Variants in ODAD2 observed in about 807,000 individuals in gnomAD.
The protein encoded by ODAD2 is outer dynein arm docking complex subunit 2.
In ODAD2, 89 loss-of-function variants were observed where a neutral mutation model predicts 106.8. The observed-to-expected ratio is 0.83, with a 90% CI of 0.70 to 0.99. The LOEUF is 0.99. Among genes scored for constraint, ODAD2 ranks in the 50% least tolerant of loss-of-function variants. The probability of loss-of-function intolerance (pLI) is 0.00; values close to 1 mark genes in which losing one functional copy is unlikely to be tolerated. For synonymous variants in ODAD2, 404 were observed against 436.2 expected (o/e 0.93, Z 0.92); for missense variants, 1,168 against 1,238.5 (o/e 0.94, Z 0.85).
intron 17 of ODAD2, among the ~76,000 whole-genome samples, chr10:27,875,178 G>C (rs1031915595): frequency 2.0e-5 from 3 of 152,166 alleles, no homozygotes; most frequent in Admixed American, 2.0e-4. Flanking sequence ...TCGTCACGTA[G>C]TTCTTGTGCC....
intron 9 of ODAD2, among the ~76,000 whole-genome samples, 153 bp from the exon 10 acceptor site, chr10:27,961,868 C>T (rs1468264308): frequency 6.6e-6 from 1 of 152,092 alleles, no homozygotes; most frequent in African/African-American, 2.4e-5. Context: ...AGTTCAACAC[C>T]AGCCTGGACA....
chr10:27,837,216 G>GGGCACTCAGT (rs1682190061), intron 19 of ODAD2, among the ~76,000 whole-genome samples: 1 of 152,198 alleles, frequency 6.6e-6, no homozygotes, highest in African/African-American at 2.4e-5. Flanking sequence ...GTGACCACAT[G>GGGCACTCAGT]GTCCCGTACT....
At position 27,942,747 on chromosome 10, in the gene ODAD2, G is replaced by A. The variant is rs73606012; in HGVS notation, c.1743+1475C>T. Reference sequence around the variant, plus strand: ...AAGCTTTAAGAATTGTACAATGATTGCACACAAACCTCCCTACATCCACCA... The same window carrying A: ...AAGCTTTAAGAATTGTACAATGATTACACACAAACCTCCCTACATCCACCA... On this transcript the variant is annotated intron_variant, in intron 12 of 19. Transcript: ENST00000305242. Among the ~76,000 whole-genome samples the A allele has an allele frequency of 3.0e-3, 459 of 152,164 alleles. 5 individuals carry two copies. The highest frequency in any genetic ancestry group is 0.011 in the African/African-American group (446 of 41,520).
chr10:27,916,049 T>G (rs1274469399), intron 16 of ODAD2, among the ~76,000 whole-genome samples: 1 of 152,070 alleles, frequency 6.6e-6, no homozygotes, highest in African/African-American at 2.4e-5. Context: ...ATAGAGTGAT[T>G]GAAGCAATCT....
intron 14 of ODAD2, among the ~76,000 whole-genome samples, chr10:27,937,756 CCTGCCATGTTTATCTT>C (rs1846094657): frequency 6.6e-6 from 1 of 152,132 alleles, no homozygotes; most frequent in Admixed American, 6.5e-5. Context: ...CATACAGGCA[CCTGCCATGTTTATCTT>C]CTGCACGTGA....
At chr10:27,966,813 T>C (rs1848515580) in intron 9 of ODAD2, among the ~76,000 whole-genome samples, 1 of 152,002 alleles carries the variant, frequency 6.6e-6, no homozygotes, top group Admixed American at 6.6e-5. Flanking sequence ...TCAGGAAAGA[T>C]GAAGTAGATA....
At chr10:27,821,444 A>G (rs1239102096) in intron 19 of ODAD2, among the ~76,000 whole-genome samples, 6 of 152,224 alleles carry the variant, frequency 3.9e-5, no homozygotes, top group Non-Finnish European at 7.3e-5. Flanking sequence ...TTGGTTTTGA[A>G]TTGGGCTCAG....
At chr10:27,819,744 AC>A (rs1836451761) in intron 19 of ODAD2, among the ~76,000 whole-genome samples, 1 of 151,774 alleles carries the variant, frequency 6.6e-6, no homozygotes, top group Admixed American at 6.6e-5. Context: ...TGACCTCAAA[AC>A]CCATACCCTT....
At chr10:27,935,403 T>G in intron 15 of ODAD2, 151 bp from the exon 16 acceptor site, 1 of 1,073,422 alleles carries the variant, frequency 9.3e-7, no homozygotes, top group Non-Finnish European at 1.3e-6. Flanking sequence ...TGGTAAATAG[T>G]AGAGCTGACG....
intron 9 of ODAD2, among the ~76,000 whole-genome samples, chr10:27,965,529 G>T (rs933820495): frequency 2.0e-5 from 3 of 152,186 alleles, no homozygotes; most frequent in African/African-American, 7.2e-5. Context: ...AGATACGGAG[G>T]AGAGTCCAGG....
chr10:27,828,080 T>C (rs1050305322), intron 19 of ODAD2, among the ~76,000 whole-genome samples: 1 of 152,156 alleles, frequency 6.6e-6, no homozygotes, highest in Non-Finnish European at 1.5e-5. Flanking sequence ...AATATTATAG[T>C]ATGCCTCGGG....
chr10:27,838,820 A>G (rs1438471408), intron 19 of ODAD2, among the ~76,000 whole-genome samples: 4 of 152,188 alleles, frequency 2.6e-5, no homozygotes, highest in Non-Finnish European at 5.9e-5. Context: ...AATTATTTCT[A>G]CAGAGTTGGC....
intron 17 of ODAD2, among the ~76,000 whole-genome samples, chr10:27,885,021 T>C (rs1357510250): frequency 2.6e-5 from 4 of 151,812 alleles, no homozygotes; most frequent in Non-Finnish European, 5.9e-5. Context: ...TCTGAAGACA[T>C]ACGAAGAAAC....
intron 17 of ODAD2, among the ~76,000 whole-genome samples, chr10:27,897,259 T>C (rs1002455482): frequency 2.0e-5 from 3 of 151,948 alleles, no homozygotes; most frequent in African/African-American, 7.3e-5. Flanking sequence ...CTCCACTACC[T>C]CCTAAAGGCT....
At chr10:27,880,714 G>C (rs559502823) in intron 17 of ODAD2, among the ~76,000 whole-genome samples, 5 of 152,290 alleles carry the variant, frequency 3.3e-5, no homozygotes, top group Non-Finnish European at 5.9e-5. Context: ...TGGAAGCAGA[G>C]AGCAGCCCTC....
chr10:27,850,615 A>G (rs1481154406), intron 19 of ODAD2, among the ~76,000 whole-genome samples: 2 of 152,166 alleles, frequency 1.3e-5, no homozygotes, highest in Non-Finnish European at 1.5e-5. Flanking sequence ...TGGCTTTACC[A>G]GCCCTAACTT....
intron 17 of ODAD2, among the ~76,000 whole-genome samples, chr10:27,872,174 T>C (rs1362620515): frequency 6.6e-6 from 1 of 152,060 alleles, no homozygotes; most frequent in African/African-American, 2.4e-5. Flanking sequence ...TATTGGTGTA[T>C]AAGAATGCTT....
intron 16 of ODAD2, among the ~76,000 whole-genome samples, chr10:27,918,014 T>G (rs1012339759): frequency 6.6e-6 from 1 of 151,888 alleles, no homozygotes; most frequent in Non-Finnish European, 1.5e-5. Flanking sequence ...TAAATTGAAT[T>G]TGTAATTTTA....
intron 17 of ODAD2, among the ~76,000 whole-genome samples, chr10:27,884,514 T>C (rs1841944328): frequency 6.6e-6 from 1 of 152,078 alleles, no homozygotes. Context: ...AGGACCAAAG[T>C]GGAAGTTGCT....
Sources: gnomAD v4.1 joint callset for allele counts (sites outside exome capture counted in the v4.1 genomes callset) on GRCh38, gnomAD v4.1.1 for gene constraint, MANE v1.5 for transcripts, NCBI Gene and HGNC (gene_info 2026-07-23, HGNC 2026-07-21) for gene names.